DHRS3: variants seen among roughly 807,000 people sequenced by gnomAD.
DHRS3 encodes the protein short-chain dehydrogenase/reductase 3.
A neutral mutation model predicts 27.2 loss-of-function variants in DHRS3; 14 were observed. The ratio of observed to expected loss-of-function variants is 0.52; its 90% CI spans 0.34 to 0.81. DHRS3 has a LOEUF of 0.81. Ranked by LOEUF, DHRS3 falls within the 30% of genes least tolerant of loss-of-function variation. The pLI, the probability that DHRS3 is intolerant of heterozygous loss-of-function variation, is 0.01. For missense variants in DHRS3, 322 were observed against 406.2 expected (o/e 0.79, Z 1.78); for synonymous variants, 165 against 175.9 (o/e 0.94, Z 0.49).
chr1:12,569,988 G>A (rs1646521845), intron 5 of DHRS3: 1 of 152,172 alleles, frequency 6.6e-6, no homozygotes, highest in African/African-American at 2.4e-5. Context: ...TGATGGTTAG[G>A]TGCCACTAAG....
intron 1 of DHRS3, among the ~76,000 whole-genome samples, chr1:12,600,158 C>T (rs1483391245): frequency 6.6e-6 from 1 of 152,096 alleles, no homozygotes; most frequent in African/African-American, 2.4e-5. Flanking sequence ...ATCTGAATCT[C>T]TATGCTTTAC....
chr1:12,582,393 A>T (rs1473059806), intron 1 of DHRS3, among the ~76,000 whole-genome samples: 1 of 152,212 alleles, frequency 6.6e-6, no homozygotes, highest in Non-Finnish European at 1.5e-5. Context: ...AACCCCACTT[A>T]GTCTAGCCAC....
intron 1 of DHRS3, among the ~76,000 whole-genome samples, chr1:12,590,929 T>A (rs1394124978): frequency 6.6e-6 from 1 of 152,192 alleles, no homozygotes; most frequent in Non-Finnish European, 1.5e-5. Context: ...CCACCTTTTT[T>A]TCTGGGAGGC....
intron 1 of DHRS3, among the ~76,000 whole-genome samples, chr1:12,611,918 T>A (rs987048773): frequency 2.7e-5 from 4 of 147,716 alleles, no homozygotes; most frequent in Non-Finnish European, 6.0e-5. Flanking sequence ...ATAGGGAGAC[T>A]CCCGTCTCTA....
In DHRS3 at chr1:12,578,816, C is replaced by T; in HGVS notation, c.600G>A (p.Glu200=). The T allele has an allele frequency of 5.0e-6, 8 of 1,614,088 alleles. No individual in the cohort carries two copies. Among genetic ancestry groups the T allele is most frequent in the Non-Finnish European group, 6.8e-6 (8 of 1,180,032 alleles). ...AGTCCAGCAGCCCCAGGGTCAGGCT[C>T]TCCATGAAGGCGAAGGCTGACGCTT... is the stretch of plus-strand genomic sequence containing the variant. ...TSKASAFAFM[E]SLTLGLLDCP... Residue 200 remains glutamate (E), a synonymous_variant, in exon 4 of 6, where the codon GAG becomes GAA. Coordinates refer to ENST00000616661, the MANE Select transcript of DHRS3 (RefSeq NM_004753.7). This position sits in a 1 kb window ranked among gnomAD's most constrained non-coding sequence, Gnocchi z 4.5.
rs935773848 is a variant in DHRS3 at position 12,578,244 on chromosome 1, C to T, written c.698+474G>A. Reference sequence around the variant, plus strand: ...AACCAAGCAGCAGGACCCTCCCCATCGTGGCATCACTGCCTTGCAGACCGA... The same window carrying T: ...AACCAAGCAGCAGGACCCTCCCCATTGTGGCATCACTGCCTTGCAGACCGA... On this transcript the variant is annotated intron_variant, in intron 4 of 5. Coordinates refer to ENST00000616661, the MANE Select transcript of DHRS3 (RefSeq NM_004753.7). The surrounding 1 kb of genome is among the most constrained non-coding windows in gnomAD (Gnocchi z 4.5). Among the ~76,000 whole-genome samples, 8 of 152,216 alleles carry T rather than the reference C, an allele frequency of 5.3e-5. No individual in the cohort carries two copies. Among genetic ancestry groups the T allele is most frequent in the African/African-American group, 1.2e-4 (5 of 41,456 alleles).
At chr1:12,600,694 C>A (rs1646829949) in intron 1 of DHRS3, among the ~76,000 whole-genome samples, 1 of 152,218 alleles carries the variant, frequency 6.6e-6, no homozygotes, top group African/African-American at 2.4e-5. Context: ...CCAATATCAT[C>A]TCTGTTCTGC....
At position 12,617,688 on chromosome 1, in the gene DHRS3, C is replaced by A; in HGVS notation, c.-340G>T. ...CTGGGGAATTCTCAGGTAATGTTTA[C>A]AGACTGACAGAGGAGTTTAGGGAGG... is the stretch of plus-strand genomic sequence containing the variant. On this transcript the variant is annotated 5_prime_UTR_variant, in exon 1 of 6. Coordinates refer to ENST00000616661, the MANE Select transcript of DHRS3 (RefSeq NM_004753.7). The A allele has an allele frequency of 6.2e-6, 1 of 162,482 alleles. No individual in the cohort carries two copies. Among genetic ancestry groups the A allele is most frequent in the Non-Finnish European group, 1.2e-5 (1 of 83,684 alleles). The allele number at this position is 162,482 out of a possible 1,614,324, so 10.1% of individuals were successfully genotyped here.
rs1170862930 is a variant in DHRS3, at chr1:12,608,495, G to A, written c.195+8659C>T. ...GAGGATCCTGCTGAAGTCATGCTGA[G>A]AAGGGCTGCCTTCTTTTAATTTTCA... On this transcript the variant is annotated intron_variant, in intron 1 of 5. Transcript: ENST00000616661. The surrounding 1 kb of genome is among the most constrained non-coding windows in gnomAD (Gnocchi z 4.1). Among the ~76,000 whole-genome samples the A allele has an allele frequency of 6.6e-6, 1 of 152,168 alleles. No homozygotes were observed. Among genetic ancestry groups the A allele is most frequent in the Non-Finnish European group, 1.5e-5 (1 of 68,030 alleles).
intron 1 of DHRS3, among the ~76,000 whole-genome samples, chr1:12,599,189 C>T (rs557113155): frequency 1.1e-4 from 17 of 152,360 alleles, no homozygotes; most frequent in African/African-American, 3.1e-4. Flanking sequence ...TTAACCCTTC[C>T]GGCTGACTGG....
intron 1 of DHRS3, among the ~76,000 whole-genome samples, chr1:12,583,590 T>TATCC (rs111034356): frequency 0.11 from 10,308 of 94,810 alleles, 580 homozygotes; most frequent in Middle Eastern, 0.14. Context: ...CTCACCTACT[T>TATCC]ATCCATCCAT....
At chr1:12,612,164 G>A (rs1289434571) in intron 1 of DHRS3, among the ~76,000 whole-genome samples, 6 of 152,178 alleles carry the variant, frequency 3.9e-5, no homozygotes, top group Non-Finnish European at 8.8e-5. Context: ...AGGTAGGACA[G>A]GTAGCCTACC....
At chr1:12,580,397 G>T (rs780350885) in intron 2 of DHRS3, 126 bp downstream of exon 2, 3 of 1,364,610 alleles carry the variant, frequency 2.2e-6, no homozygotes, top group Non-Finnish European at 3.1e-6. Context: ...AGTCCCCAAA[G>T]GTGCCCCGGG....
chr1:12,590,308 A>G (rs4553207), intron 1 of DHRS3, among the ~76,000 whole-genome samples: 3,583 of 152,096 alleles, frequency 0.024, 139 homozygotes, highest in African/African-American at 0.078. Context: ...GGTTTCTAGA[A>G]TAGTCATTTC....
Position 12,592,908 on chromosome 1 carries a change from C to A in DHRS3, c.196-12242G>T, listed in dbSNP as rs1646758746. Among the ~76,000 whole-genome samples, 1 of 152,226 alleles carries A rather than the reference C, an allele frequency of 6.6e-6. No individual in the cohort carries two copies. The highest frequency in any genetic ancestry group is 1.5e-5 in the Non-Finnish European group (1 of 68,036). On this transcript the variant is annotated intron_variant, in intron 1 of 5. Coordinates refer to ENST00000616661, the MANE Select transcript of DHRS3 (RefSeq NM_004753.7). This position sits in a 1 kb window ranked among gnomAD's most constrained non-coding sequence, Gnocchi z 4.2. ...CTGTATGCCCACTCCACCACGCACC[C>A]TGTCAGCCTGACCTCTGAAATCCAG... is the stretch of plus-strand genomic sequence containing the variant.
At position 12,617,788 on chromosome 1, in the gene DHRS3, T is replaced by TAAAAAAAAAAAAAAA. The variant is rs891272993; in HGVS notation, c.-455_-441dup. ...GTCCCGCGGTTTCAAAGTGCAAGAT[T>TAAAAAAAAAAAAAAA]AAAAAAAAAAAAAAAAAAAAAAAAA... On this transcript the variant is annotated 5_prime_UTR_variant, in exon 1 of 6. Coordinates refer to ENST00000616661, the MANE Select transcript of DHRS3 (RefSeq NM_004753.7). The TAAAAAAAAAAAAAAA allele has an allele frequency of 6.5e-4, 2 of 3,070 alleles. 1 individual carries two copies. Among genetic ancestry groups the TAAAAAAAAAAAAAAA allele is most frequent in the Non-Finnish European group, 1.0e-3 (2 of 1,964 alleles). 0.2% of individuals were successfully genotyped at this position (3,070 alleles called of 1,614,324 possible).
chr1:12,583,823 C>T (rs1346242153), intron 1 of DHRS3, among the ~76,000 whole-genome samples: 1 of 151,898 alleles, frequency 6.6e-6, no homozygotes, highest in Non-Finnish European at 1.5e-5. Flanking sequence ...CTACCCTACT[C>T]CATCTATCCA....
chr1:12,614,477 C>A (rs534347628), intron 1 of DHRS3, among the ~76,000 whole-genome samples: 1 of 151,760 alleles, frequency 6.6e-6, no homozygotes, highest in East Asian at 1.9e-4. Context: ...GAGATGTGTC[C>A]GGAGCTTTCA....
intron 1 of DHRS3, among the ~76,000 whole-genome samples, chr1:12,581,093 C>T (rs1646640099): frequency 6.6e-6 from 1 of 152,174 alleles, no homozygotes; most frequent in Non-Finnish European, 1.5e-5. Context: ...CTCTCAAGTG[C>T]TGGGATTACA....
Sources: allele counts gnomAD v4.1 joint callset (sites outside exome capture counted in the v4.1 genomes callset), GRCh38; gene constraint gnomAD v4.1.1; non-coding constraint Gnocchi (gnomAD v3.1); transcripts MANE v1.5; gene names NCBI Gene and HGNC (gene_info 2026-07-23, HGNC 2026-07-21).